ARHGAP42: variants seen among roughly 807,000 people sequenced by gnomAD.
The protein encoded by ARHGAP42 is Rho GTPase activating protein 42, also known as rho GTPase-activating protein 42.
A neutral mutation model predicts 125.0 loss-of-function variants in ARHGAP42; 63 were observed. The ratio of observed to expected loss-of-function variants is 0.50; its 90% CI spans 0.41 to 0.62. ARHGAP42 has a LOEUF of 0.62. Ranked by LOEUF, ARHGAP42 falls within the 20% of genes least tolerant of loss-of-function variation. The probability of loss-of-function intolerance (pLI) is 0.00; values close to 1 mark genes in which losing one functional copy is unlikely to be tolerated. For synonymous variants in ARHGAP42, 339 were observed against 351.0 expected, an observed-to-expected ratio of 0.97 and a Z score of 0.38; for missense variants, 766 against 1,024.2, an observed-to-expected ratio of 0.75 and a Z score of 3.44.
At chr11:100,861,605 G>A (rs951189721) in intron 4 of ARHGAP42, among the ~76,000 whole-genome samples, 6 of 152,160 alleles carry the variant, frequency 3.9e-5, no homozygotes, top group African/African-American at 1.4e-4. Context: ...ACAGTAAGAA[G>A]TGGGTTACAT....
chr11:100,768,607 G>A (rs1173933291), intron 1 of ARHGAP42, among the ~76,000 whole-genome samples: 6 of 152,164 alleles, frequency 3.9e-5, no homozygotes, highest in Non-Finnish European at 8.8e-5. Context: ...ACTGTTAAAT[G>A]AAGTGTAGAG....
intron 6 of ARHGAP42, among the ~76,000 whole-genome samples, chr11:100,931,014 T>C (rs1867566224): frequency 6.6e-6 from 1 of 152,178 alleles, no homozygotes; most frequent in Admixed American, 6.5e-5. Flanking sequence ...ACCTTGGGAA[T>C]TGGATCCAAG....
chr11:100,853,110 A>G lies in ARHGAP42; in HGVS notation c.313-6444A>G, dbSNP rs547964297. Among the ~76,000 whole-genome samples the G allele has an allele frequency of 3.9e-5, 6 of 152,290 alleles. No individual in the cohort carries two copies. The South Asian group carries it at 1.2e-3, about 32-fold the overall frequency. On this transcript the variant is annotated intron_variant, in intron 3 of 23. Coordinates refer to ENST00000298815, the MANE Select transcript of ARHGAP42 (RefSeq NM_152432.4). ...AAATTCTATAAAATTGCTTTCTTAA[A>G]TGCATACATTTTGGTCAAAATCAAA...
chr11:100,765,286 C>A (rs546240419), intron 1 of ARHGAP42, among the ~76,000 whole-genome samples: 67 of 152,294 alleles, frequency 4.4e-4, no homozygotes, highest in African/African-American at 1.5e-3. Flanking sequence ...AACAACTCTA[C>A]CCCTACACAC....
At chr11:100,970,295 A>G (rs907273614) in intron 17 of ARHGAP42, among the ~76,000 whole-genome samples, 1 of 152,026 alleles carries the variant, frequency 6.6e-6, no homozygotes, top group Non-Finnish European at 1.5e-5. Context: ...AGACTAATTC[A>G]GTATCTTTAG....
intron 4 of ARHGAP42, among the ~76,000 whole-genome samples, chr11:100,864,333 C>T (rs1049417126): frequency 1.1e-4 from 16 of 152,082 alleles, no homozygotes; most frequent in Admixed American, 2.0e-4. Flanking sequence ...TACAGGCGCC[C>T]GCCACCATGC....
intron 1 of ARHGAP42, among the ~76,000 whole-genome samples, chr11:100,744,479 C>A (rs148243739): frequency 1.9e-4 from 29 of 151,484 alleles, no homozygotes; most frequent in African/African-American, 5.6e-4. Flanking sequence ...TTTCTGGTTC[C>A]TTCTCATTTG....
At chr11:100,700,406 CTCT>C (rs151174323) in intron 1 of ARHGAP42, among the ~76,000 whole-genome samples, 8,525 of 152,246 alleles carry the variant, frequency 0.056, 352 homozygotes, top group East Asian at 0.21. Context: ...CATTGATTGA[CTCT>C]TCTTGCACAA....
In ARHGAP42 at chr11:100,771,313, A is replaced by C. The variant is rs368214045; in HGVS notation, c.250+875A>C. ...AGAGGTCGTGTTATATGAACTCTGA[A>C]GTTTTATCTATATCTGACTTTTTAT... On this transcript the variant is annotated intron_variant, in intron 2 of 23. Coordinates refer to ENST00000298815, the MANE Select transcript of ARHGAP42 (RefSeq NM_152432.4). Among the ~76,000 whole-genome samples the C allele has an allele frequency of 1.2e-4, 19 of 152,242 alleles. No individual in the cohort carries two copies. The East Asian group carries it at 2.1e-3, about 17-fold the overall frequency.
At chr11:100,770,027 G>A (rs1280142285) in intron 1 of ARHGAP42, among the ~76,000 whole-genome samples, 2 of 152,032 alleles carry the variant, frequency 1.3e-5, no homozygotes, top group Non-Finnish European at 2.9e-5. Flanking sequence ...GTGAGTGAGT[G>A]GTAGTTCCTT....
chr11:100,920,330 C>T (rs988259918), intron 5 of ARHGAP42, among the ~76,000 whole-genome samples: 1 of 152,108 alleles, frequency 6.6e-6, no homozygotes, highest in African/African-American at 2.4e-5. Context: ...TGCACCTACT[C>T]CCTGCATAGT....
At chr11:100,698,950 C>G (rs929533579) in intron 1 of ARHGAP42, among the ~76,000 whole-genome samples, 6 of 152,076 alleles carry the variant, frequency 3.9e-5, no homozygotes, top group Non-Finnish European at 2.9e-5. Context: ...TTTTCTAGTT[C>G]CAGCTCCATC....
intron 1 of ARHGAP42, among the ~76,000 whole-genome samples, chr11:100,702,887 C>G (rs1861420728): frequency 6.6e-6 from 1 of 152,000 alleles, no homozygotes; most frequent in African/African-American, 2.4e-5. Flanking sequence ...GTCTCGAACT[C>G]CTGACCTCAG....
chr11:100,723,085 C>T (rs899870942), intron 1 of ARHGAP42, among the ~76,000 whole-genome samples: 1 of 152,070 alleles, frequency 6.6e-6, no homozygotes. Context: ...TTTATTTGCT[C>T]CTTTGTCGAA....
chr11:100,751,799 T>TTTTTTTGG (rs1862466054), intron 1 of ARHGAP42, among the ~76,000 whole-genome samples: 1 of 134,374 alleles, frequency 7.4e-6, no homozygotes. Context: ...TTTTTTTTTT[T>TTTTTTTGG]GACGGAATCT....
intron 4 of ARHGAP42, among the ~76,000 whole-genome samples, chr11:100,902,595 C>A (rs1372783920): frequency 1.3e-5 from 2 of 152,118 alleles, no homozygotes; most frequent in Non-Finnish European, 2.9e-5. Flanking sequence ...TCCTTCAGGG[C>A]TCTTTGGTCT....
chr11:100,726,890 T>C (rs1475430835), intron 1 of ARHGAP42, among the ~76,000 whole-genome samples: 2 of 152,256 alleles, frequency 1.3e-5, no homozygotes, highest in Non-Finnish European at 2.9e-5. Context: ...GGCATTCATC[T>C]AACCTTGCTC....
chr11:100,806,492 C>T (rs1469578350), intron 3 of ARHGAP42, among the ~76,000 whole-genome samples: 3 of 151,998 alleles, frequency 2.0e-5, no homozygotes, highest in Non-Finnish European at 2.9e-5. Flanking sequence ...TGTATGAAAA[C>T]GGATTATGTT....
chr11:100,775,931 G>A (rs556769776), intron 2 of ARHGAP42, among the ~76,000 whole-genome samples: 54 of 152,162 alleles, frequency 3.5e-4, no homozygotes, highest in South Asian at 3.5e-3. Flanking sequence ...AGGCTGAGGC[G>A]GGCGGATCAC....
Sources: allele counts gnomAD v4.1 joint callset (sites outside exome capture counted in the v4.1 genomes callset), GRCh38; gene constraint gnomAD v4.1.1; transcripts MANE v1.5; gene names NCBI Gene and HGNC (gene_info 2026-07-23, HGNC 2026-07-21).